The following C1S variants were observed in gnomAD, a reference collection of about 807,000 sequenced individuals.
C1S encodes the protein complement C1s subcomponent.
C1S carries 31 observed loss-of-function variants against 54.0 expected under a neutral mutation model. That is an observed-to-expected ratio of 0.57 (90% CI 0.43 to 0.78). C1S has a LOEUF of 0.78. Among genes scored for constraint, C1S ranks in the 30% least tolerant of loss-of-function variants. The probability of loss-of-function intolerance (pLI) is 0.00; values close to 1 mark genes in which losing one functional copy is unlikely to be tolerated. For missense variants in C1S, 727 were observed against 851.8 expected, an observed-to-expected ratio of 0.85 and a Z score of 1.82; for synonymous variants, 292 against 303.6, an observed-to-expected ratio of 0.96 and a Z score of 0.40.
chr12:7,068,838 G>A, intron 11 of C1S: 2 of 407,438 alleles, frequency 4.9e-6, no homozygotes, highest in South Asian at 6.5e-5. Context: ...GAGTGTGTGA[G>A]TAATCAACAC....
At chr12:7,065,749 C>T (rs2135724838) in intron 6 of C1S, 68 bp from the exon 7 acceptor site, 2 of 1,297,746 alleles carry the variant, frequency 1.5e-6, no homozygotes, top group Non-Finnish European at 2.2e-6. Context: ...TTATTTGTAT[C>T]TCCCACTTCC....
At position 7,064,256 on chromosome 12, in the gene C1S, A is replaced by C. The variant is rs781866605; in HGVS notation, c.392-11A>C. 3.6e-5 allele frequency: 58 copies of C among 1,613,442 alleles called. No homozygotes were observed. The highest frequency in any genetic ancestry group is 4.7e-5 in the Non-Finnish European group (55 of 1,179,794). ...TTGTTCTTGACCTCAGCCTCTTTCT[A>C]CTCTTTGTAGACATAAATGAATGCA... On this transcript the variant is annotated splice_polypyrimidine_tract_variant and intron_variant, in intron 4 of 11. Coordinates refer to ENST00000360817, the MANE Select transcript of C1S (RefSeq NM_001734.5).
chr12:7,067,626 C>T lies in C1S; in HGVS notation c.1067-17C>T, dbSNP rs1368781646. 1 of 1,613,590 alleles carries T rather than the reference C, an allele frequency of 6.2e-7. No individual in the cohort carries two copies. The highest frequency in any genetic ancestry group is 8.5e-7 in the Non-Finnish European group (1 of 1,179,908). On this transcript the variant is annotated splice_polypyrimidine_tract_variant and intron_variant, in intron 9 of 11. Coordinates refer to ENST00000360817, the MANE Select transcript of C1S (RefSeq NM_001734.5). ...AGTGGCTGTCCTGACCATCGCTCTC[C>T]TTCCTTCGTCTGGTAGCTGTGGACT...
intron 8 of C1S, 44 bp from the exon 9 acceptor site, chr12:7,066,995 A>T: frequency 6.9e-7 from 1 of 1,441,226 alleles, no homozygotes; most frequent in Non-Finnish European, 9.8e-7. Flanking sequence ...TTGGTTTCCC[A>T]TATCTCTCTT....
chr12:7,061,372 A>G, intron 1 of C1S: 1 of 196,306 alleles, frequency 5.1e-6, no homozygotes, highest in South Asian at 9.8e-5. Context: ...GATGCACGCA[A>G]TGATAAACAG....
Position 7,064,389 on chromosome 12 carries a change from G to A in C1S, c.514G>A (p.Gly172Arg), listed in dbSNP as rs375308014. 1.4e-5 allele frequency: 23 copies of A among 1,614,064 alleles called. No individual in the cohort carries two copies. Among genetic ancestry groups the A allele is most frequent in the Admixed American group, 1.2e-4 (7 of 60,018 alleles). ...YFLHDDMKNC[G>R]VNCSGDVFTA... ...CCTCCATGATGACATGAAGAATTGCGGAGGTGAGCTTGGTGTTAAGAGGGT... is the reference window on the plus strand; with the variant it reads ...CCTCCATGATGACATGAAGAATTGCAGAGGTGAGCTTGGTGTTAAGAGGGT... Residue 172 changes from glycine to arginine, a missense_variant, in exon 5 of 12, where the codon GGA becomes AGA. Transcript: ENST00000360817.
chr12:7,064,240 A>T lies in C1S; in HGVS notation c.392-27A>T, dbSNP rs1947140103. 1.9e-6 allele frequency: 3 copies of T among 1,613,284 alleles called. No individual in the cohort carries two copies. The Admixed American group carries it at 5.0e-5, about 27-fold the overall frequency. ...TCTCCCTTCTTGGTGTTTGTTCTTG[A>T]CCTCAGCCTCTTTCTACTCTTTGTA... On this transcript the variant is annotated intron_variant, in intron 4 of 11. Coordinates refer to ENST00000360817, the MANE Select transcript of C1S (RefSeq NM_001734.5).
At chr12:7,069,783 A>T in intron 11 of C1S, 72 bp from the exon 12 acceptor site, 1 of 1,252,758 alleles carries the variant, frequency 8.0e-7, no homozygotes, top group South Asian at 1.2e-5. Flanking sequence ...ACATTATGTG[A>T]GTGGTTGGAG....
At chr12:7,064,048 C>CACACACACACACACACACA (rs782603417) in intron 4 of C1S, 6 of 566,146 alleles carry the variant, frequency 1.1e-5, no homozygotes, top group African/African-American at 6.4e-5. Flanking sequence ...ACACACACAC[C>CACACACACACACACACACA]CCCGAGCTTC....
chr12:7,067,302 G>T, intron 9 of C1S, 185 bp downstream of exon 9: 1 of 658,904 alleles, frequency 1.5e-6, no homozygotes, highest in Non-Finnish European at 2.7e-6. Flanking sequence ...AGGCCAACTA[G>T]ATCGGCATGT....
At chr12:7,064,178 C>CT in intron 4 of C1S, 89 bp from the exon 5 acceptor site, 1 of 1,424,464 alleles carries the variant, frequency 7.0e-7, no homozygotes, top group Non-Finnish European at 9.9e-7. Context: ...GCCTTTCCTA[C>CT]TTTTTCTTAC....
At position 7,066,565 on chromosome 12, in the gene C1S, G is replaced by A. The variant is rs1555162279; in HGVS notation, c.919G>A (p.Ala307Thr). 1 of 1,614,076 alleles carries A rather than the reference G, an allele frequency of 6.2e-7. No individual in the cohort carries two copies. The highest frequency in any genetic ancestry group is 8.5e-7 in the Non-Finnish European group (1 of 1,179,894). The change falls in exon 8 of 12, where the codon GCG becomes ACG. Residue 307 changes from alanine to threonine, a missense_variant. Physicochemically the swap from Ala to Thr is moderately conservative, Grantham distance 58. Coordinates refer to ENST00000360817, the MANE Select transcript of C1S (RefSeq NM_001734.5). ...CACTCCCAATTCTGTTTGGGAGCCT[G>A]CGAAGGCAAAATATGTCTTTAGAGA... is the stretch of plus-strand genomic sequence containing the variant. Reference protein sequence around the residue: ...EDTPNSVWEPAKAKYVFRDVV... With the variant: ...EDTPNSVWEPTKAKYVFRDVV...
rs1937833800 is a variant in C1S, at chr12:7,070,710, C to T, written c.*59C>T. 6 of 1,278,634 alleles carry T rather than the reference C, an allele frequency of 4.7e-6. No individual in the cohort carries two copies. The Admixed American group carries it at 5.0e-5, about 11-fold the overall frequency. The allele number at this position is 1,278,634 out of a possible 1,614,324, so 79.2% of individuals were successfully genotyped here. Reference sequence around the variant, plus strand: ...GTGACCAATGCATTACCTTCTGTTCCTTATGATATTCTCATTATTTCATCA... The same window carrying T: ...GTGACCAATGCATTACCTTCTGTTCTTTATGATATTCTCATTATTTCATCA... On this transcript the variant is annotated 3_prime_UTR_variant, in exon 12 of 12. Coordinates refer to ENST00000360817, the MANE Select transcript of C1S (RefSeq NM_001734.5). The surrounding 1 kb of genome is among the most constrained non-coding windows in gnomAD (Gnocchi z 4.9).
At chr12:7,066,073 A>G in intron 7 of C1S, 103 bp downstream of exon 7, 1 of 1,077,808 alleles carries the variant, frequency 9.3e-7, no homozygotes, top group Non-Finnish European at 1.4e-6. Flanking sequence ...AGCACCTGTG[A>G]TCTCAGCTAC....
In C1S at chr12:7,070,726, T is replaced by A; in HGVS notation, c.*75T>A. On this transcript the variant is annotated 3_prime_UTR_variant, in exon 12 of 12. Coordinates refer to ENST00000360817, the MANE Select transcript of C1S (RefSeq NM_001734.5). The surrounding 1 kb of genome is among the most constrained non-coding windows in gnomAD (Gnocchi z 4.9). ...CTTCTGTTCCTTATGATATTCTCAT[T>A]ATTTCATCATGACTGAAAGAAGACA... The A allele has an allele frequency of 8.5e-7, 1 of 1,178,006 alleles. No individual in the cohort carries two copies. Among genetic ancestry groups the A allele is most frequent in the Non-Finnish European group, 1.3e-6 (1 of 787,876 alleles). 73.0% of individuals were successfully genotyped at this position (1,178,006 alleles called of 1,614,324 possible).
chr12:7,062,041 G>C (rs149949506), intron 2 of C1S, 124 bp downstream of exon 2: 43 of 956,270 alleles, frequency 4.5e-5, no homozygotes, highest in Non-Finnish European at 6.8e-5. Context: ...AGGCTGAGGC[G>C]GGAGGATTGC....
chr12:7,064,491 A>G, intron 5 of C1S, 99 bp downstream of exon 5: 1 of 1,216,956 alleles, frequency 8.2e-7, no homozygotes. Context: ...GATTAGGCCA[A>G]GCCTTCATTT....
chr12:7,061,982 C>T (rs1397753279), intron 2 of C1S, 65 bp downstream of exon 2: 78 of 1,528,862 alleles, frequency 5.1e-5, no homozygotes, highest in Non-Finnish European at 6.6e-5. Flanking sequence ...AAGAAAAGCG[C>T]TCAAGGGCCA....
intron 11 of C1S, 131 bp downstream of exon 11, chr12:7,068,661 A>G: frequency 2.8e-6 from 2 of 717,416 alleles, no homozygotes; most frequent in South Asian, 1.6e-5. Flanking sequence ...GTGAGGTGGC[A>G]GTATCACTGT....
Sources: allele counts gnomAD v4.1 joint callset, GRCh38; gene constraint gnomAD v4.1.1; non-coding constraint Gnocchi (gnomAD v3.1); transcripts MANE v1.5; gene names NCBI Gene and HGNC (gene_info 2026-07-23, HGNC 2026-07-21).